CNTN5: variants seen among roughly 807,000 people sequenced by gnomAD.
CNTN5 encodes the protein contactin-5.
In CNTN5, 77 loss-of-function variants were observed where a neutral mutation model predicts 129.1. That is an observed-to-expected ratio of 0.60 (90% CI 0.50 to 0.72). CNTN5 has a LOEUF of 0.72. Among genes scored for constraint, CNTN5 ranks in the 30% least tolerant of loss-of-function variants. CNTN5 has a pLI of 0.00. For synonymous variants in CNTN5, 509 were observed against 465.6 expected (o/e 1.09, Z -1.20); for missense variants, 1,478 against 1,328.8 (o/e 1.11, Z -1.75).
chr11:99,729,200 A>G (rs540197451), intron 3 of CNTN5, among the ~76,000 whole-genome samples: 11 of 152,308 alleles, frequency 7.2e-5, no homozygotes, highest in South Asian at 2.1e-4. Flanking sequence ...AGGATGAGAT[A>G]AATTCCATTT....
At chr11:100,267,891 G>A (rs1565384932) in intron 17 of CNTN5, among the ~76,000 whole-genome samples, 2 of 152,312 alleles carry the variant, frequency 1.3e-5, no homozygotes, top group East Asian at 3.9e-4. Flanking sequence ...ATGATTGAGA[G>A]ATGATGGTGC....
At chr11:99,373,999 A>G (rs1454647705) in intron 2 of CNTN5, among the ~76,000 whole-genome samples, 1 of 152,220 alleles carries the variant, frequency 6.6e-6, no homozygotes, top group Non-Finnish European at 1.5e-5. Context: ...TTCAATTTTA[A>G]CTATCAGTCA....
chr11:99,426,245 AG>A (rs900125504), intron 2 of CNTN5, among the ~76,000 whole-genome samples: 2 of 152,192 alleles, frequency 1.3e-5, no homozygotes, highest in African/African-American at 4.8e-5. Flanking sequence ...GGTTTTTGCC[AG>A]TTTGCCAAAT....
At chr11:100,131,225 A>C (rs1946368294) in intron 13 of CNTN5, among the ~76,000 whole-genome samples, 1 of 152,082 alleles carries the variant, frequency 6.6e-6, no homozygotes, top group Non-Finnish European at 1.5e-5. Flanking sequence ...AGGCTATTTT[A>C]GTGTTCAGGA....
intron 1 of CNTN5, among the ~76,000 whole-genome samples, chr11:99,295,931 G>A (rs1402961768): frequency 4.0e-5 from 6 of 149,082 alleles, no homozygotes; most frequent in African/African-American, 9.9e-5. Context: ...ATGAGGCAAC[G>A]TACGTACTAC....
At chr11:99,378,995 G>A (rs1440407778) in intron 2 of CNTN5, among the ~76,000 whole-genome samples, 1 of 151,868 alleles carries the variant, frequency 6.6e-6, no homozygotes. Flanking sequence ...TTAGTCTTCT[G>A]CACATGATAT....
intron 16 of CNTN5, among the ~76,000 whole-genome samples, chr11:100,247,288 T>A (rs983529574): frequency 6.6e-6 from 1 of 152,124 alleles, no homozygotes; most frequent in African/African-American, 2.4e-5. Flanking sequence ...TGGTAACAGA[T>A]GAATAGACAG....
rs1022767783 is a variant in CNTN5 at position 99,874,987 on chromosome 11, C to G, written c.577+29725C>G. Reference sequence around the variant, plus strand: ...AAATTCATCATTTCTTCTAGAAGGTCTAGTTTCTTTGGTTGGGAAATGGTG... The same window carrying G: ...AAATTCATCATTTCTTCTAGAAGGTGTAGTTTCTTTGGTTGGGAAATGGTG... On this transcript the variant is annotated intron_variant, in intron 6 of 24. Coordinates refer to ENST00000524871, the MANE Select transcript of CNTN5 (RefSeq NM_014361.4). 2.6e-5 allele frequency among the ~76,000 whole-genome samples: 4 copies of G among 152,234 alleles called. No homozygotes were observed. In the East Asian group the frequency reaches 7.7e-4, roughly 29 times the overall value.
intron 7 of CNTN5, among the ~76,000 whole-genome samples, chr11:99,935,363 A>C (rs1950292070): frequency 6.6e-6 from 1 of 152,050 alleles, no homozygotes; most frequent in Admixed American, 6.6e-5. Context: ...TTAGGACCTT[A>C]GAGATTAGGT....
At chr11:100,105,345 G>T (rs1032612985) in intron 13 of CNTN5, among the ~76,000 whole-genome samples, 1 of 152,138 alleles carries the variant, frequency 6.6e-6, no homozygotes, top group African/African-American at 2.4e-5. Flanking sequence ...CAGAGAGAGA[G>T]AATTTGCATC....
intron 7 of CNTN5, among the ~76,000 whole-genome samples, chr11:99,946,874 A>G (rs1048958412): frequency 2.6e-5 from 4 of 151,962 alleles, no homozygotes; most frequent in African/African-American, 9.7e-5. Context: ...AAAATTGTCT[A>G]GTAAGATATG....
rs148203446 is a variant in CNTN5, at chr11:100,087,332, T to C, written c.1580+13038T>C. 1.9e-3 allele frequency among the ~76,000 whole-genome samples: 284 copies of C among 151,840 alleles called. 3 individuals carry two copies. The highest frequency in any genetic ancestry group is 6.7e-3 in the African/African-American group (277 of 41,508). ...ATTTCATAACTATTAAATTAGTAGT[T>C]AAAAAATCTTCAAACATACACCAAA... On this transcript the variant is annotated intron_variant, in intron 13 of 24. Coordinates refer to ENST00000524871, the MANE Select transcript of CNTN5 (RefSeq NM_014361.4).
At chr11:99,897,614 C>T (rs555405087) in intron 6 of CNTN5, among the ~76,000 whole-genome samples, 16 of 152,266 alleles carry the variant, frequency 1.1e-4, no homozygotes, top group Admixed American at 7.2e-4. Flanking sequence ...TTTGTCACCA[C>T]TAGACCAGTC....
chr11:99,626,195 G>C (rs1055292920), intron 3 of CNTN5, among the ~76,000 whole-genome samples: 2 of 152,010 alleles, frequency 1.3e-5, no homozygotes, highest in Non-Finnish European at 2.9e-5. Context: ...CGGCTCTATG[G>C]ATGGGGATTA....
chr11:99,702,427 G>A (rs1051161124), intron 3 of CNTN5, among the ~76,000 whole-genome samples: 40 of 150,854 alleles, frequency 2.7e-4, no homozygotes, highest in African/African-American at 9.7e-4. Flanking sequence ...TGAATAAAAT[G>A]TTGTAAAGTA....
rs530557446 is a variant in CNTN5 at position 99,271,626 on chromosome 11, C to T, written c.-209-53720C>T. ...TATTTCTGGCAAGAGGTTTTCCATG[C>T]GGATGTGATCCAGGTGTTGGCTGGG... On this transcript the variant is annotated intron_variant, in intron 1 of 24. Coordinates refer to ENST00000524871, the MANE Select transcript of CNTN5 (RefSeq NM_014361.4). 3.6e-4 allele frequency among the ~76,000 whole-genome samples: 55 copies of T among 151,866 alleles called. 1 individual carries two copies. The highest frequency in any genetic ancestry group is 1.3e-3 in the African/African-American group (52 of 41,470).
chr11:99,125,928 C>G (rs1331392127), intron 1 of CNTN5, among the ~76,000 whole-genome samples: 3 of 151,944 alleles, frequency 2.0e-5, no homozygotes, highest in African/African-American at 7.3e-5. Flanking sequence ...AAAAATGAGG[C>G]TCTAATTCGT....
intron 21 of CNTN5, among the ~76,000 whole-genome samples, chr11:100,323,022 A>G (rs1951724873): frequency 1.3e-5 from 2 of 152,200 alleles, no homozygotes; most frequent in South Asian, 4.1e-4. Context: ...TTCACAGAAC[A>G]TATCTCATTA....
At chr11:99,584,272 C>G (rs1949717347) in intron 3 of CNTN5, among the ~76,000 whole-genome samples, 1 of 152,118 alleles carries the variant, frequency 6.6e-6, no homozygotes, top group Non-Finnish European at 1.5e-5. Context: ...TCTGTATTCT[C>G]CTACTTGAAA....
Sources: gnomAD v4.1 joint callset for allele counts (sites outside exome capture counted in the v4.1 genomes callset) on GRCh38, gnomAD v4.1.1 for gene constraint, MANE v1.5 for transcripts, NCBI Gene and HGNC (gene_info 2026-07-23, HGNC 2026-07-21) for gene names.